FER1L6: variants seen among roughly 807,000 people sequenced by gnomAD.
FER1L6 encodes fer-1 like family member 6.
A neutral mutation model predicts 219.2 loss-of-function variants in FER1L6; 177 were observed. That is an observed-to-expected ratio of 0.81 (90% CI 0.71 to 0.91). The LOEUF (loss-of-function observed/expected upper bound fraction) is 0.91, where lower values mean the gene tolerates loss of function less well. Among genes scored for constraint, FER1L6 ranks in the 40% least tolerant of loss-of-function variants. FER1L6 has a pLI of 0.00. For missense variants in FER1L6, 2,153 were observed against 2,259.9 expected (o/e 0.95, Z 0.96); for synonymous variants, 768 against 824.3 (o/e 0.93, Z 1.17).
chr8:123,934,986 T>C (rs1256572048), intron 1 of FER1L6, among the ~76,000 whole-genome samples: 3 of 152,224 alleles, frequency 2.0e-5, no homozygotes, highest in African/African-American at 7.2e-5. Context: ...CTGTTAAGCC[T>C]GTAGAACTGT....
chr8:123,881,935 A>G (rs1013456598), intron 1 of FER1L6, among the ~76,000 whole-genome samples: 28 of 152,160 alleles, frequency 1.8e-4, no homozygotes, highest in African/African-American at 6.8e-4. Flanking sequence ...GTAATCCACC[A>G]TTTCTTTCAC....
At chr8:123,964,575 T>C (rs1815450376) in intron 3 of FER1L6, among the ~76,000 whole-genome samples, 1 of 152,190 alleles carries the variant, frequency 6.6e-6, no homozygotes, top group Admixed American at 6.5e-5. Flanking sequence ...ACCACCCCTC[T>C]ACCCTAGTCT....
At chr8:124,054,997 C>T (rs938969847) in intron 22 of FER1L6, among the ~76,000 whole-genome samples, 2 of 152,154 alleles carry the variant, frequency 1.3e-5, no homozygotes, top group South Asian at 2.1e-4. Flanking sequence ...CACCTTTAAT[C>T]AGTGTAGCCA....
At chr8:124,101,926 G>A (rs910141038) in intron 38 of FER1L6, among the ~76,000 whole-genome samples, 4 of 152,134 alleles carry the variant, frequency 2.6e-5, no homozygotes, top group Non-Finnish European at 5.9e-5. Context: ...ACTGGAAGTG[G>A]GGGCTTCCAG....
intron 18 of FER1L6, among the ~76,000 whole-genome samples, chr8:124,033,892 T>C (rs1036921924): frequency 6.6e-6 from 1 of 152,172 alleles, no homozygotes; most frequent in African/African-American, 2.4e-5. Context: ...GTGGCCTCTT[T>C]GTGAGCCCTG....
chr8:124,012,709 C>T (rs1488607992), intron 14 of FER1L6, among the ~76,000 whole-genome samples: 1 of 152,186 alleles, frequency 6.6e-6, no homozygotes, highest in Non-Finnish European at 1.5e-5. Flanking sequence ...CTTAACTATG[C>T]CACAATGTTT....
chr8:124,038,090 G>C (rs1414671191), intron 19 of FER1L6, among the ~76,000 whole-genome samples: 2 of 152,162 alleles, frequency 1.3e-5, no homozygotes, highest in Non-Finnish European at 2.9e-5. Flanking sequence ...GGTCCTCAGT[G>C]ATACGACTAC....
intron 34 of FER1L6, among the ~76,000 whole-genome samples, chr8:124,094,549 G>T (rs557040677): frequency 9.2e-5 from 14 of 152,034 alleles, no homozygotes; most frequent in Admixed American, 2.6e-4. Context: ...GCAGTGGCGC[G>T]ATCTCAGCTC....
intron 2 of FER1L6, among the ~76,000 whole-genome samples, chr8:123,958,079 C>T (rs1024096574): frequency 7.9e-5 from 12 of 152,192 alleles, no homozygotes; most frequent in Admixed American, 3.9e-4. Context: ...CCTAACCTAG[C>T]GATTAGTTAC....
chr8:123,951,255 G>A (rs1280358905), intron 1 of FER1L6, among the ~76,000 whole-genome samples: 1 of 152,176 alleles, frequency 6.6e-6, no homozygotes, highest in Non-Finnish European at 1.5e-5. Flanking sequence ...CCTAGGGGAT[G>A]GGATCTGGTC....
At chr8:124,115,506 A>G (rs146603838) in intron 39 of FER1L6, among the ~76,000 whole-genome samples, 1 of 152,240 alleles carries the variant, frequency 6.6e-6, no homozygotes, top group Non-Finnish European at 1.5e-5. Context: ...GACAGAAGTA[A>G]TTTAATATTC....
chr8:124,009,223 C>T (rs1817802132), intron 13 of FER1L6, among the ~76,000 whole-genome samples: 1 of 152,244 alleles, frequency 6.6e-6, no homozygotes, highest in South Asian at 2.1e-4. Flanking sequence ...CCTCCTTCTG[C>T]ACTCCAGCCT....
chr8:123,931,105 C>T (rs1293071162), intron 1 of FER1L6, among the ~76,000 whole-genome samples: 1 of 152,192 alleles, frequency 6.6e-6, no homozygotes, highest in African/African-American at 2.4e-5. Flanking sequence ...AGCAAACCTA[C>T]ACCCTTTGAA....
intron 1 of FER1L6, among the ~76,000 whole-genome samples, chr8:123,916,150 G>A (rs1586461582): frequency 6.6e-6 from 1 of 152,186 alleles, no homozygotes; most frequent in East Asian, 1.9e-4. Context: ...TCTGGTAGAA[G>A]TAAACTCTCC....
chr8:123,904,828 T>A (rs1482112371), intron 1 of FER1L6, among the ~76,000 whole-genome samples: 2 of 152,226 alleles, frequency 1.3e-5, no homozygotes, highest in African/African-American at 4.8e-5. Context: ...TACAGTAGTA[T>A]GTTGGTGCCA....
intron 1 of FER1L6, among the ~76,000 whole-genome samples, chr8:123,894,355 ATCT>A (rs1321289187): frequency 6.6e-6 from 1 of 152,098 alleles, no homozygotes; most frequent in African/African-American, 2.4e-5. Flanking sequence ...CTGATTTCCC[ATCT>A]TCTTGGCTGC....
chr8:123,881,689 C>A (rs771342343), intron 1 of FER1L6, among the ~76,000 whole-genome samples: 14 of 152,174 alleles, frequency 9.2e-5, no homozygotes, highest in Non-Finnish European at 1.9e-4. Context: ...TTAATAAGGG[C>A]CTTGACCTGG....
At chr8:124,004,575 G>T (rs970262459) in intron 13 of FER1L6, among the ~76,000 whole-genome samples, 1 of 151,926 alleles carries the variant, frequency 6.6e-6, no homozygotes, top group Non-Finnish European at 1.5e-5. Context: ...GCAGATCTAA[G>T]CACTTCTGCT....
At chr8:123,954,470 A>G (rs75192249) in intron 1 of FER1L6, among the ~76,000 whole-genome samples, 2,057 of 152,310 alleles carry the variant, frequency 0.014, 58 homozygotes, top group African/African-American at 0.047. Context: ...ATAAGTGAGC[A>G]AATAAGTGAA....
Sources: gnomAD v4.1 joint callset for allele counts (sites outside exome capture counted in the v4.1 genomes callset) on GRCh38, gnomAD v4.1.1 for gene constraint, MANE v1.5 for transcripts, NCBI Gene and HGNC (gene_info 2026-07-23, HGNC 2026-07-21) for gene names.